UTP25: variants seen among roughly 807,000 people sequenced by gnomAD.
UTP25 encodes the protein U3 small nucleolar RNA-associated protein 25 homolog.
In UTP25, 50 loss-of-function variants were observed where a neutral mutation model predicts 78.9. That is an observed-to-expected ratio of 0.63 (90% CI 0.50 to 0.80). UTP25 has a LOEUF of 0.80. Among genes scored for constraint, UTP25 ranks in the 30% least tolerant of loss-of-function variants. The pLI, the probability that UTP25 is intolerant of heterozygous loss-of-function variation, is 0.00. For missense variants in UTP25, 846 were observed against 911.3 expected, an observed-to-expected ratio of 0.93 and a Z score of 0.92; for synonymous variants, 329 against 336.5, an observed-to-expected ratio of 0.98 and a Z score of 0.24.
At position 209,851,324 on chromosome 1, in the gene UTP25, C is replaced by G. The variant is rs753745291; in HGVS notation, c.2148C>G (p.Thr716=). Residue 716 remains threonine (T), a synonymous_variant, in exon 12 of 12, where the codon ACC becomes ACG. Coordinates refer to ENST00000491415, the MANE Select transcript of UTP25 (RefSeq NM_014388.7). The stretch of plus-strand genomic sequence containing the variant: ...ACAGAGGAGAAGAGGCCACGTGGAC[C>G]TGCACTGTTCTCTACTCCAAATATG... ...ATNRGEEATW[T]CTVLYSKYDA... is the part of the protein sequence containing the mutation. 1 of 1,614,084 alleles carries G rather than the reference C, an allele frequency of 6.2e-7. No homozygotes were observed. Among genetic ancestry groups the G allele is most frequent in the African/African-American group, 1.3e-5 (1 of 74,930 alleles).
In UTP25 at chr1:209,838,863, G is replaced by C. The variant is rs41275344; in HGVS notation, c.1063-46G>C. 5 of 1,598,562 alleles carry C rather than the reference G, an allele frequency of 3.1e-6. No individual in the cohort carries two copies. In the African/African-American group the frequency reaches 5.4e-5, roughly 17 times the overall value. ...CTCAGCAGTTTCACCTCAAGATCCT[G>C]TTCCTTCCTCTTACCCCACTAAGGC... On this transcript the variant is annotated intron_variant, in intron 6 of 11. Transcript: ENST00000491415.
chr1:209,828,854 C>G (rs2078086537), intron 1 of UTP25, among the ~76,000 whole-genome samples: 1 of 151,288 alleles, frequency 6.6e-6, no homozygotes, highest in Non-Finnish European at 1.5e-5. Flanking sequence ...CTCACTGCAA[C>G]CTCCGTCTCC....
intron 3 of UTP25, 103 bp downstream of exon 3, chr1:209,831,146 T>G: frequency 1.6e-6 from 2 of 1,240,630 alleles, no homozygotes. Flanking sequence ...TGAAAGGACA[T>G]GAATCCAAAA....
At position 209,851,329 on chromosome 1, in the gene UTP25, C is replaced by G. The variant is rs1268938484; in HGVS notation, c.2153C>G (p.Thr718Ser). 2 of 1,614,212 alleles carry G rather than the reference C, an allele frequency of 1.2e-6. No homozygotes were observed. Among genetic ancestry groups the G allele is most frequent in the Admixed American group, 1.7e-5 (1 of 60,026 alleles). Residue 718 changes from threonine (T) to serine (S), a missense_variant, in exon 12 of 12, where the codon ACT becomes AGT. Thr to Ser is a moderately conservative substitution (Grantham distance 58, BLOSUM62 1). Transcript: ENST00000491415. ...NRGEEATWTC[T>S]VLYSKYDAQR... ...GGAGAAGAGGCCACGTGGACCTGCA[C>G]TGTTCTCTACTCCAAATATGATGCC...
chr1:209,828,182 C>T lies in UTP25; in HGVS notation c.107+12C>T. The T allele has an allele frequency of 6.3e-7, 1 of 1,595,898 alleles. No individual in the cohort carries two copies. The highest frequency in any genetic ancestry group is 8.6e-7 in the Non-Finnish European group (1 of 1,163,566). The stretch of plus-strand genomic sequence containing the variant: ...CCCTTCTATGACAGGTCTGAAGGGG[C>T]GTGGCAGGGCTCCCCAGTCGCCAGA... On this transcript the variant is annotated intron_variant, in intron 1 of 11. Coordinates refer to ENST00000491415, the MANE Select transcript of UTP25 (RefSeq NM_014388.7).
Position 209,852,915 on chromosome 1 carries a change from T to C in UTP25, c.*1468T>C, listed in dbSNP as rs2078249479. The C allele has an allele frequency of 6.6e-6, 1 of 152,182 alleles. No individual in the cohort carries two copies. Among genetic ancestry groups the C allele is most frequent in the Non-Finnish European group, 1.5e-5 (1 of 68,032 alleles). The allele number at this position is 152,182 out of a possible 1,614,324, so 9.4% of individuals were successfully genotyped here. ...CCAATTCTAGTCCAACAACACAGGA[T>C]TGCTTCTCATTTTCTTTCCATATTG... On this transcript the variant is annotated 3_prime_UTR_variant, in exon 12 of 12. Transcript: ENST00000491415.
In UTP25 at chr1:209,842,358, T is replaced by C. The variant is rs2078171978; in HGVS notation, c.1579T>C (p.Tyr527His). The change falls in exon 9 of 12, where the codon TAC becomes CAC. Residue 527 changes from tyrosine (Y) to histidine (H), a missense_variant. Coordinates refer to ENST00000491415, the MANE Select transcript of UTP25 (RefSeq NM_014388.7). ...RMWSLNNWSK[Y>H]YRQTLLFGAL... The stretch of plus-strand genomic sequence containing the variant: ...GTGGAGCCTCAATAATTGGTCCAAG[T>C]ACTATCGCCAGACACTGCTATTTGG... The C allele has an allele frequency of 1.9e-6, 3 of 1,614,052 alleles. No individual in the cohort carries two copies. Among genetic ancestry groups the C allele is most frequent in the Non-Finnish European group, 2.5e-6 (3 of 1,180,008 alleles).
chr1:209,856,782 G>C lies in UTP25; in HGVS notation c.*5335G>C, dbSNP rs777164727. The C allele has an allele frequency of 6.6e-6, 1 of 152,258 alleles. No individual in the cohort carries two copies. Among genetic ancestry groups the C allele is most frequent in the Non-Finnish European group, 1.5e-5 (1 of 68,056 alleles). 9.4% of individuals were successfully genotyped at this position (152,258 alleles called of 1,614,324 possible). On this transcript the variant is annotated 3_prime_UTR_variant, in exon 12 of 12. Transcript: ENST00000491415. ...GGGTTGATGCTGGCCATTTGGTGGC[G>C]TGAGGAGTGGGCACTCACATGTCTC...
intron 1 of UTP25, among the ~76,000 whole-genome samples, chr1:209,829,479 T>C (rs982168379): frequency 2.7e-5 from 4 of 149,374 alleles, no homozygotes; most frequent in Non-Finnish European, 5.9e-5. Context: ...TTTTTTTCTT[T>C]TCTTTTCTTT....
intron 3 of UTP25, among the ~76,000 whole-genome samples, chr1:209,831,446 G>A (rs561349912): frequency 2.5e-4 from 38 of 152,302 alleles, no homozygotes; most frequent in African/African-American, 9.1e-4. Flanking sequence ...CGATTGCATG[G>A]AACAGCTAGA....
Position 209,828,898 on chromosome 1 carries a change from G to A in UTP25, c.107+728G>A, listed in dbSNP as rs528851995. Among the ~76,000 whole-genome samples the A allele has an allele frequency of 3.0e-3, 458 of 151,210 alleles. 3 individuals carry two copies. The highest frequency in any genetic ancestry group is 0.011 in the African/African-American group (438 of 41,162). The stretch of plus-strand genomic sequence containing the variant: ...AGCGATTCTCCTGCCTCAGCTTCCC[G>A]TGTAGCTGGGATTACAGGCGCCCGC... On this transcript the variant is annotated intron_variant, in intron 1 of 11. Transcript: ENST00000491415.
chr1:209,837,919 G>C (rs1167855620), intron 6 of UTP25, among the ~76,000 whole-genome samples: 1 of 152,132 alleles, frequency 6.6e-6, no homozygotes, highest in African/African-American at 2.4e-5. Context: ...TTTTCTCATT[G>C]AGTTTAATAG....
chr1:209,849,171 G>T (rs1054633379), intron 11 of UTP25, among the ~76,000 whole-genome samples: 3 of 152,066 alleles, frequency 2.0e-5, no homozygotes, highest in Non-Finnish European at 2.9e-5. Context: ...TTTTTGGCAG[G>T]CCCTTTTTAT....
Position 209,842,261 on chromosome 1 carries a change from A to C in UTP25, c.1486-4A>C. ...ACTAATGGTAATATTATTTCCACTC[A>C]AAGCATTTGATGAATCACATGAACC... On this transcript the variant is annotated splice_polypyrimidine_tract_variant and splice_region_variant and intron_variant, in intron 8 of 11. Coordinates refer to ENST00000491415, the MANE Select transcript of UTP25 (RefSeq NM_014388.7). 1 of 1,613,180 alleles carries C rather than the reference A, an allele frequency of 6.2e-7. No individual in the cohort carries two copies. Among genetic ancestry groups the C allele is most frequent in the Non-Finnish European group, 8.5e-7 (1 of 1,179,758 alleles).
Position 209,828,074 on chromosome 1 carries a change from G to A in UTP25, c.11G>A (p.Arg4His). The A allele has an allele frequency of 3.7e-6, 6 of 1,614,088 alleles. No homozygotes were observed. Among genetic ancestry groups the A allele is most frequent in the Non-Finnish European group, 5.1e-6 (6 of 1,179,962 alleles). Residue 4 changes from arginine (R) to histidine (H), a missense_variant, in exon 1 of 12, where the codon CGC (arginine) becomes CAC (histidine). Arg to His is a conservative substitution (Grantham distance 29). Coordinates refer to ENST00000491415, the MANE Select transcript of UTP25 (RefSeq NM_014388.7). Reference protein sequence around the residue: MGKRGSRSQSQLLN... With the variant: MGKHGSRSQSQLLN... ...CTTGACGTTTTCGCTATGGGCAAAC[G>A]CGGGAGCCGGAGCCAGAGCCAGCTA...
In UTP25 at chr1:209,854,989, A is replaced by C. The variant is rs2078265016; in HGVS notation, c.*3542A>C. 6.6e-6 allele frequency: 1 copy of C among 152,216 alleles called. No individual in the cohort carries two copies. Among genetic ancestry groups the C allele is most frequent in the African/African-American group, 2.4e-5 (1 of 41,456 alleles). 9.4% of individuals were successfully genotyped at this position (152,216 alleles called of 1,614,324 possible). A position where few individuals can be genotyped will look rare whatever the true frequency, so the allele number is the denominator to read the frequency against. Reference sequence around the variant, plus strand: ...TTTCTACTCCACACTTATTTTAAAAAGCTTTTCTGAAAGCCTGGCTACATA... The same window carrying C: ...TTTCTACTCCACACTTATTTTAAAACGCTTTTCTGAAAGCCTGGCTACATA... On this transcript the variant is annotated 3_prime_UTR_variant, in exon 12 of 12. Coordinates refer to ENST00000491415, the MANE Select transcript of UTP25 (RefSeq NM_014388.7).
intron 11 of UTP25, 55 bp from the exon 12 acceptor site, chr1:209,851,149 T>G (rs1233364215): frequency 1.1e-5 from 18 of 1,566,708 alleles, no homozygotes; most frequent in Non-Finnish European, 1.5e-5. Context: ...CCTAGGTAGT[T>G]TTTCTAGAAC....
chr1:209,848,740 A>G (rs1035690488), intron 11 of UTP25, among the ~76,000 whole-genome samples: 6 of 152,180 alleles, frequency 3.9e-5, no homozygotes, highest in Admixed American at 2.0e-4. Context: ...AATTATTGCT[A>G]CTGATGTGAT....
intron 11 of UTP25, among the ~76,000 whole-genome samples, chr1:209,848,698 A>T (rs1048478710): frequency 1.3e-5 from 2 of 152,180 alleles, no homozygotes; most frequent in Non-Finnish European, 2.9e-5. Flanking sequence ...TTTATGCTCC[A>T]TTCACCTATT....
Sources: gnomAD v4.1 joint callset for allele counts (sites outside exome capture counted in the v4.1 genomes callset) on GRCh38, gnomAD v4.1.1 for gene constraint, MANE v1.5 for transcripts, NCBI Gene and HGNC (gene_info 2026-07-23, HGNC 2026-07-21) for gene names.